BNIP5: variants seen among roughly 807,000 people sequenced by gnomAD.
BNIP5 encodes the protein protein BNIP5.
Under a neutral mutation model 67.3 loss-of-function variants are expected in BNIP5, and 61 were observed. That is an observed-to-expected ratio of 0.91 (90% confidence interval 0.74 to 1.12). The LOEUF (loss-of-function observed/expected upper bound fraction) is 1.12. Among genes scored for constraint, BNIP5 ranks in the 50% most tolerant of loss-of-function variants. The pLI, the probability that BNIP5 is intolerant of heterozygous loss-of-function variation, is 0.00. For synonymous variants in BNIP5, 317 were observed against 319.0 expected, an observed-to-expected ratio of 0.99 and a Z score of 0.07; for missense variants, 826 against 816.3, an observed-to-expected ratio of 1.01 and a Z score of -0.14.
chr6:36,330,794 C>A, intron 1 of BNIP5, 100 bp from the exon 2 acceptor site: 1 of 1,423,832 alleles, frequency 7.0e-7, no homozygotes, highest in East Asian at 2.5e-5. Context: ...GACGGAGCCT[C>A]GGTCTATTGC....
intron 8 of BNIP5, among the ~76,000 whole-genome samples, chr6:36,323,056 G>A (rs1771670671): frequency 6.6e-6 from 1 of 152,210 alleles, no homozygotes; most frequent in Non-Finnish European, 1.5e-5. Context: ...GAGAGGGAGG[G>A]GAGGGCGTGT....
At position 36,330,240 on chromosome 6, in the gene BNIP5, C is replaced by T. The variant is rs149916620; in HGVS notation, c.451G>A (p.Asp151Asn). 1.9e-4 allele frequency: 303 copies of T among 1,614,122 alleles called. No homozygotes were observed. Among genetic ancestry groups the T allele is most frequent in the Non-Finnish European group, 2.2e-4 (254 of 1,180,018 alleles). ...TGCTTCTTGCGGCTGGGCTTCTTGT[C>T]GTGGTGGGCTTTCTTCCTGAGGGCT... ...EPALRKKAHH[D>N]KKPSRKKQGH... The change falls in exon 2 of 12, where the codon GAC (aspartate) becomes AAC (asparagine). Residue 151 changes from aspartate (D) to asparagine (N), a missense_variant. By Grantham distance (23) the Asp-to-Asn change is conservative. Transcript: ENST00000437635.
At chr6:36,329,094 T>C (rs569893677) in intron 2 of BNIP5, among the ~76,000 whole-genome samples, 1 of 152,244 alleles carries the variant, frequency 6.6e-6, no homozygotes, top group Admixed American at 6.5e-5. Flanking sequence ...CTTATTTACA[T>C]GTGGGGAATC....
intron 2 of BNIP5, 139 bp from the exon 3 acceptor site, chr6:36,328,853 G>C (rs1023272599): frequency 6.4e-5 from 41 of 644,062 alleles, no homozygotes; most frequent in Non-Finnish European, 1.1e-4. Context: ...CCCGCTCTAG[G>C]CTTAACCAAA....
At chr6:36,330,817 G>A (rs1374187917) in intron 1 of BNIP5, 123 bp from the exon 2 acceptor site, 2 of 1,297,406 alleles carry the variant, frequency 1.5e-6, no homozygotes, top group Admixed American at 5.8e-5. Flanking sequence ...AGGCTGGAGT[G>A]CAGTGGCGCT....
Position 36,330,498 on chromosome 6 carries a change from A to T in BNIP5, c.193T>A (p.Ser65Thr), listed in dbSNP as rs201336652. 1.2e-6 allele frequency: 2 copies of T among 1,613,942 alleles called. No homozygotes were observed. The highest frequency in any genetic ancestry group is 1.7e-6 in the Non-Finnish European group (2 of 1,179,996). Residue 65 changes from serine to threonine, a missense_variant, in exon 2 of 12, where the codon TCT becomes ACT. Coordinates refer to ENST00000437635, the MANE Select transcript of BNIP5 (RefSeq NM_001010903.5). The stretch of plus-strand genomic sequence containing the variant: ...GCGGTGGTGCAGTGAGCCTCTGCAG[A>T]TGGAGCTGGGCTGTCTGAATGTCTG... ...WARHSDSPAPSAEAHCTTAAA... is the reference protein window; with the variant it reads ...WARHSDSPAPTAEAHCTTAAA...
chr6:36,322,237 A>G, intron 9 of BNIP5, 74 bp downstream of exon 9: 1 of 1,576,860 alleles, frequency 6.3e-7, no homozygotes, highest in South Asian at 1.1e-5. Context: ...ACCATCCCCT[A>G]TTCAGCCTGT....
At position 36,330,161 on chromosome 6, in the gene BNIP5, G is replaced by A. The variant is rs569141325; in HGVS notation, c.530C>T (p.Ala177Val). 45 of 1,613,802 alleles carry A rather than the reference G, an allele frequency of 2.8e-5. No homozygotes were observed. The South Asian group carries it at 4.8e-4, about 17-fold the overall frequency. Reference protein sequence around the residue: ...EVTKAAQDQEARGREEGLSKA... With the variant: ...EVTKAAQDQEVRGREEGLSKA... ...GGACAACCCTTCCTCTCGGCCTCTGGCCTCCTGGTCTTGAGCTGCCTTAGT... is the reference window on the plus strand; with the variant it reads ...GGACAACCCTTCCTCTCGGCCTCTGACCTCCTGGTCTTGAGCTGCCTTAGT... Residue 177 changes from alanine to valine, a missense_variant, in exon 2 of 12, where the codon GCC becomes GTC. By Grantham distance (64) the Ala-to-Val change is moderately conservative. Transcript: ENST00000437635.
intron 6 of BNIP5, 73 bp from the exon 7 acceptor site, chr6:36,324,263 A>T: frequency 7.4e-7 from 1 of 1,355,170 alleles, no homozygotes; most frequent in East Asian, 2.3e-5. Flanking sequence ...TCATTTCCTA[A>T]TGCCCCGGTG....
At chr6:36,332,402 C>T (rs747188826) in intron 1 of BNIP5, among the ~76,000 whole-genome samples, 3 of 152,092 alleles carry the variant, frequency 2.0e-5, no homozygotes, top group Admixed American at 6.6e-5. Flanking sequence ...TGTGCAATGT[C>T]GTGTCTTTAT....
intron 3 of BNIP5, among the ~76,000 whole-genome samples, 168 bp downstream of exon 3, chr6:36,328,430 C>G (rs1771811098): frequency 6.6e-6 from 1 of 152,192 alleles, no homozygotes; most frequent in Non-Finnish European, 1.5e-5. Flanking sequence ...CTGTGAAATT[C>G]TAAAATAAGC....
intron 10 of BNIP5, among the ~76,000 whole-genome samples, chr6:36,320,155 C>T (rs916983553): frequency 1.3e-5 from 2 of 152,212 alleles, no homozygotes; most frequent in African/African-American, 4.8e-5. Flanking sequence ...CAACAAGCTC[C>T]TTTCTCTTAA....
At position 36,319,342 on chromosome 6, in the gene BNIP5, C is replaced by T. The variant is rs1200257427; in HGVS notation, c.1923+14G>A. On this transcript the variant is annotated intron_variant, in intron 11 of 11. Transcript: ENST00000437635. ...TCATGCTACATTGCCATTGTCTTCCCCGCCCTCTCTCACCGGCTGGTCCTC... is the reference window on the plus strand; with the variant it reads ...TCATGCTACATTGCCATTGTCTTCCTCGCCCTCTCTCACCGGCTGGTCCTC... 3.1e-6 allele frequency: 5 copies of T among 1,612,410 alleles called. No homozygotes were observed. Among genetic ancestry groups the T allele is most frequent in the Admixed American group, 1.7e-5 (1 of 60,000 alleles).
intron 1 of BNIP5, among the ~76,000 whole-genome samples, chr6:36,333,939 C>G (rs11965352): frequency 0.18 from 27,997 of 152,180 alleles, 2,942 homozygotes; most frequent in East Asian, 0.3. Context: ...TTGTTCAGCT[C>G]AGCCTCTCTT....
rs372892093 is a variant in BNIP5, at chr6:36,317,376, T to C, written c.1939A>G (p.Lys647Glu). The change falls in exon 12 of 12, where the codon AAG becomes GAG. Residue 647 changes from lysine (K) to glutamate (E), a missense_variant. Physicochemically the swap from Lys to Glu is moderately conservative, Grantham distance 56. Transcript: ENST00000437635. ...REDQPNITSP[K>E]VESPD Reference sequence around the variant, plus strand: ...AGCTTTCAATCTGGACTTTCAACCTTAGGACTTGTGATGTTCTGGGAAGAG... The same window carrying C: ...AGCTTTCAATCTGGACTTTCAACCTCAGGACTTGTGATGTTCTGGGAAGAG... The C allele has an allele frequency of 9.3e-6, 15 of 1,613,538 alleles. No homozygotes were observed. In the African/African-American group the frequency reaches 1.3e-4, roughly 14 times the overall value.
At chr6:36,319,903 G>C (rs1303227752) in intron 10 of BNIP5, among the ~76,000 whole-genome samples, 1 of 152,178 alleles carries the variant, frequency 6.6e-6, no homozygotes, top group Non-Finnish European at 1.5e-5. Context: ...TTCCATATTT[G>C]ACAAATAATC....
At chr6:36,322,076 G>T (rs114029552) in intron 9 of BNIP5, among the ~76,000 whole-genome samples, 1 of 152,134 alleles carries the variant, frequency 6.6e-6, no homozygotes, top group Non-Finnish European at 1.5e-5. Context: ...AACGAATGGG[G>T]GTGTTAATTA....
Position 36,315,851 on chromosome 6 carries a change from G to C in BNIP5, c.*1505C>G, listed in dbSNP as rs1162609561. 6.6e-6 allele frequency: 1 copy of C among 152,586 alleles called. No homozygotes were observed. The highest frequency in any genetic ancestry group is 1.9e-4 in the East Asian group (1 of 5,200). The allele number at this position is 152,586 out of a possible 1,614,324, so 9.5% of individuals were successfully genotyped here. The stretch of plus-strand genomic sequence containing the variant: ...AGGAGCACATACCAAATACTCATAG[G>C]GCTTAAAGAACATCATTCCAAATAA... On this transcript the variant is annotated 3_prime_UTR_variant, in exon 12 of 12. Coordinates refer to ENST00000437635, the MANE Select transcript of BNIP5 (RefSeq NM_001010903.5).
chr6:36,322,233 C>G, intron 9 of BNIP5, 78 bp downstream of exon 9: 1 of 1,561,522 alleles, frequency 6.4e-7, no homozygotes, highest in Non-Finnish European at 8.8e-7. Flanking sequence ...CAGAACCATC[C>G]CCTATTCAGC....
Sources: gnomAD v4.1 joint callset for allele counts (sites outside exome capture counted in the v4.1 genomes callset) on GRCh38, gnomAD v4.1.1 for gene constraint, MANE v1.5 for transcripts, NCBI Gene and HGNC (gene_info 2026-07-23, HGNC 2026-07-21) for gene names.